MAML3: variants seen among roughly 807,000 people sequenced by gnomAD.
MAML3 encodes mastermind-like protein 3.
MAML3 carries 27 observed loss-of-function variants against 101.9 expected under a neutral mutation model. That is an observed-to-expected ratio of 0.27 (90% CI 0.20 to 0.37). The LOEUF is 0.37. Ranked by LOEUF, MAML3 falls within the 10% of genes least tolerant of loss-of-function variation. The pLI, the probability that MAML3 is intolerant of heterozygous loss-of-function variation, is 1.00. For missense variants in MAML3, 1,316 were observed against 1,444.9 expected, an observed-to-expected ratio of 0.91 and a Z score of 1.45; for synonymous variants, 501 against 555.9, an observed-to-expected ratio of 0.90 and a Z score of 1.39.
At chr4:140,092,674 A>C (rs1244393317) in intron 1 of MAML3, among the ~76,000 whole-genome samples, 1 of 152,226 alleles carries the variant, frequency 6.6e-6, no homozygotes. Context: ...ACAGCAGAAC[A>C]GAAAACACCG....
At chr4:139,820,046 C>T (rs1332364055) in intron 2 of MAML3, among the ~76,000 whole-genome samples, 2 of 152,182 alleles carry the variant, frequency 1.3e-5, no homozygotes, top group Non-Finnish European at 2.9e-5. Flanking sequence ...AAATTGCCTC[C>T]CTTATCCATA....
intron 2 of MAML3, among the ~76,000 whole-genome samples, chr4:139,759,457 C>A (rs1578587158): frequency 6.6e-6 from 1 of 152,230 alleles, no homozygotes; most frequent in Admixed American, 6.5e-5. Flanking sequence ...GACTCCTCAC[C>A]TTGAACCAGC....
chr4:139,790,417 G>T (rs1730388702), intron 2 of MAML3, among the ~76,000 whole-genome samples: 1 of 150,806 alleles, frequency 6.6e-6, no homozygotes, highest in African/African-American at 2.4e-5. Flanking sequence ...AGGTACTATT[G>T]TAACCATTTT....
chr4:140,033,548 C>T (rs1479018802), intron 1 of MAML3, among the ~76,000 whole-genome samples: 1 of 152,200 alleles, frequency 6.6e-6, no homozygotes, highest in African/African-American at 2.4e-5. Flanking sequence ...ATTTGATCGC[C>T]TCACTGGATG....
At chr4:139,812,429 C>G (rs577403365) in intron 2 of MAML3, among the ~76,000 whole-genome samples, 67 of 152,294 alleles carry the variant, frequency 4.4e-4, no homozygotes, top group African/African-American at 1.5e-3. Flanking sequence ...CTACTTTTCC[C>G]TCTCCACCCT....
chr4:139,982,668 G>A lies in MAML3; in HGVS notation c.469-91701C>T, dbSNP rs143401723. On this transcript the variant is annotated intron_variant, in intron 1 of 4. Transcript: ENST00000509479. ...ATACACTTTTTTCCTATACACAAAA[G>A]TATCTATAACATTGATGTATATGCA... Among the ~76,000 whole-genome samples the A allele has an allele frequency of 1.3e-3, 196 of 152,188 alleles. 4 individuals carry two copies. In the East Asian group the frequency reaches 0.037, roughly 29 times the overall value.
intron 2 of MAML3, among the ~76,000 whole-genome samples, chr4:139,758,783 C>A (rs1729701289): frequency 1.3e-5 from 2 of 152,236 alleles, no homozygotes; most frequent in Admixed American, 1.3e-4. Context: ...CTAGTCACAT[C>A]TTCCTCAAGG....
chr4:139,945,080 A>G (rs1199576848), intron 1 of MAML3, among the ~76,000 whole-genome samples: 1 of 152,242 alleles, frequency 6.6e-6, no homozygotes, highest in East Asian at 1.9e-4. Flanking sequence ...CAACATTTTA[A>G]AAAGGAAAAT....
chr4:139,730,407 G>T lies in MAML3; in HGVS notation c.2331+9C>A. On this transcript the variant is annotated intron_variant, in intron 3 of 4. Coordinates refer to ENST00000509479, the MANE Select transcript of MAML3 (RefSeq NM_018717.5). ...ATGAATGAATGAATCACGCCAAGGG[G>T]CATGTTACCTGTTCCGCCAAAATCT... 1 of 1,546,750 alleles carries T rather than the reference G, an allele frequency of 6.5e-7. No homozygotes were observed. Among genetic ancestry groups the T allele is most frequent in the Non-Finnish European group, 8.7e-7 (1 of 1,145,606 alleles).
chr4:140,030,349 T>C (rs1444369996), intron 1 of MAML3, among the ~76,000 whole-genome samples: 1 of 152,178 alleles, frequency 6.6e-6, no homozygotes, highest in Admixed American at 6.5e-5. Context: ...CACACTAGCT[T>C]TGGCAGGGGG....
At chr4:140,135,640 C>T (rs1421772485) in intron 1 of MAML3, among the ~76,000 whole-genome samples, 1 of 152,238 alleles carries the variant, frequency 6.6e-6, no homozygotes, top group African/African-American at 2.4e-5. Context: ...TGAGACTAGA[C>T]GTCTCTGAAG....
intron 2 of MAML3, among the ~76,000 whole-genome samples, chr4:139,772,720 A>G (rs1395690137): frequency 6.6e-6 from 1 of 152,156 alleles, no homozygotes; most frequent in African/African-American, 2.4e-5. Flanking sequence ...CCCAGACGTA[A>G]AATGAGTCAG....
In MAML3 at chr4:139,730,475, A is replaced by G; in HGVS notation, c.2272T>C (p.Phe758Leu). 6.4e-7 allele frequency: 1 copy of G among 1,552,940 alleles called. No individual in the cohort carries two copies. Among genetic ancestry groups the G allele is most frequent in the Non-Finnish European group, 8.7e-7 (1 of 1,147,718 alleles). Reference protein sequence around the residue: ...AQLIEQQKQQFLREQRQQQQQ... With the variant: ...AQLIEQQKQQLLREQRQQQQQ... The stretch of plus-strand genomic sequence containing the variant: ...TGCTGCTGCCTTTGCTCCCGCAGGA[A>G]CTGTTGCTTCTGCTGCTCTATCAAC... Residue 758 changes from phenylalanine to leucine, a missense_variant, in exon 3 of 5, where the codon TTC (phenylalanine) becomes CTC (leucine). Physicochemically the swap from Phe to Leu is conservative, Grantham distance 22. Transcript: ENST00000509479.
intron 1 of MAML3, among the ~76,000 whole-genome samples, chr4:139,980,518 G>A (rs1418726269): frequency 6.6e-6 from 1 of 152,044 alleles, no homozygotes; most frequent in Non-Finnish European, 1.5e-5. Context: ...TAATGCCCTG[G>A]GCTACCCTGA....
intron 2 of MAML3, chr4:139,740,442 A>G (rs923032813): frequency 6.6e-6 from 1 of 152,066 alleles, no homozygotes; most frequent in Non-Finnish European, 1.5e-5. Flanking sequence ...CTGCTCCATT[A>G]GGTTTTTTTT....
At chr4:139,734,934 C>T (rs1728873785) in intron 2 of MAML3, among the ~76,000 whole-genome samples, 1 of 152,222 alleles carries the variant, frequency 6.6e-6, no homozygotes, top group African/African-American at 2.4e-5. Context: ...CGTCCCTCGC[C>T]GGGGCAACGC....
intron 1 of MAML3, among the ~76,000 whole-genome samples, chr4:140,009,117 T>TGTAC (rs928643777): frequency 9.9e-5 from 15 of 152,230 alleles, no homozygotes; most frequent in African/African-American, 3.4e-4. Context: ...TCTGCACTAC[T>TGTAC]GTACACATGC....
intron 2 of MAML3, among the ~76,000 whole-genome samples, chr4:139,864,460 C>T (rs1012027839): frequency 1.3e-5 from 2 of 152,002 alleles, no homozygotes; most frequent in Non-Finnish European, 2.9e-5. Flanking sequence ...GGGCAGATCA[C>T]GAGGTCAAGA....
chr4:140,099,673 G>A (rs1728221858), intron 1 of MAML3, among the ~76,000 whole-genome samples: 1 of 152,116 alleles, frequency 6.6e-6, no homozygotes, highest in Non-Finnish European at 1.5e-5. Flanking sequence ...ATGGATTTTG[G>A]TGAAAATTAA....
Sources: gnomAD v4.1 joint callset for allele counts (sites outside exome capture counted in the v4.1 genomes callset) on GRCh38, gnomAD v4.1.1 for gene constraint, MANE v1.5 for transcripts, NCBI Gene and HGNC (gene_info 2026-07-23, HGNC 2026-07-21) for gene names.